SGK3: variants seen among roughly 807,000 people sequenced by gnomAD.
The protein encoded by SGK3 is serine/threonine-protein kinase Sgk3.
A neutral mutation model predicts 68.5 loss-of-function variants in SGK3; 47 were observed. The observed-to-expected ratio is 0.69, with a 90% CI of 0.54 to 0.87. The LOEUF is 0.87. SGK3 is among the 40% of genes least tolerant of loss of function. SGK3 has a pLI of 0.00. For missense variants in SGK3, 479 were observed against 575.5 expected (o/e 0.83, Z 1.72); for synonymous variants, 181 against 189.1 (o/e 0.96, Z 0.35).
intron 1 of SGK3, chr8:66,737,706 C>T (rs910333255): frequency 6.6e-6 from 1 of 151,434 alleles, no homozygotes; most frequent in African/African-American, 2.4e-5. Flanking sequence ...GACTCCACCT[C>T]CCAGGTTCAA....
intron 1 of SGK3, among the ~76,000 whole-genome samples, chr8:66,777,445 C>A (rs1806757546): frequency 6.6e-6 from 1 of 152,174 alleles, no homozygotes; most frequent in Non-Finnish European, 1.5e-5. Context: ...ATTATTTACG[C>A]CAATTCACTG....
In SGK3 at chr8:66,809,030, C is replaced by T. The variant is rs372557158; in HGVS notation, c.253+4583C>T. Among the ~76,000 whole-genome samples the T allele has an allele frequency of 4.3e-3, 652 of 150,028 alleles. 6 individuals carry two copies. Among genetic ancestry groups the T allele is most frequent in the African/African-American group, 0.015 (618 of 40,774 alleles). ...GATTACAGGCGTGTGCCACCATGCC[C>T]GGCTAATTTTGTATTTTTAGTAGAG... On this transcript the variant is annotated intron_variant, in intron 4 of 16. Transcript: ENST00000521198.
intron 1 of SGK3, among the ~76,000 whole-genome samples, chr8:66,744,108 T>TG (rs1805559442): frequency 6.6e-6 from 1 of 152,160 alleles, no homozygotes; most frequent in Non-Finnish European, 1.5e-5. Flanking sequence ...ACAGCGTGCA[T>TG]GGGAGGTAAT....
At chr8:66,735,409 A>C (rs892570827) in intron 1 of SGK3, among the ~76,000 whole-genome samples, 6 of 152,244 alleles carry the variant, frequency 3.9e-5, no homozygotes, top group African/African-American at 1.4e-4. Context: ...ATCCTTAATG[A>C]AAAGGATGTT....
chr8:66,842,396 A>G (rs1320459084), intron 13 of SGK3, among the ~76,000 whole-genome samples: 1 of 151,544 alleles, frequency 6.6e-6, no homozygotes, highest in African/African-American at 2.4e-5. Flanking sequence ...AATTTTTTGT[A>G]TTTTTGGTAG....
chr8:66,742,640 T>C (rs538918219), intron 1 of SGK3, among the ~76,000 whole-genome samples: 4 of 152,328 alleles, frequency 2.6e-5, no homozygotes, highest in Admixed American at 2.6e-4. Flanking sequence ...GCACTGGAAT[T>C]ATGGGCATGA....
chr8:66,767,973 G>A (rs768362383), intron 1 of SGK3: 33 of 850,874 alleles, frequency 3.9e-5, no homozygotes, highest in Admixed American at 2.4e-4. Flanking sequence ...CTGGTTCTTC[G>A]TTTTCCTTAT....
rs1807389463 is a variant in SGK3 at position 66,790,286 on chromosome 8, TG to T, written c.-121-3328del. 5.3e-5 allele frequency among the ~76,000 whole-genome samples: 8 copies of T among 152,282 alleles called. No individual in the cohort carries two copies. The South Asian group carries it at 1.7e-3, about 32-fold the overall frequency. ...TTTTGGGTTATGAGACAATGAAAGA[TG>T]GTGGGAGTAGATAGTGAAGAGAATT... On this transcript the variant is annotated intron_variant, in intron 1 of 16. Transcript: ENST00000521198.
At position 66,827,213 on chromosome 8, in the gene SGK3, A is replaced by G. The variant is rs372471979; in HGVS notation, c.418-1441A>G. Among the ~76,000 whole-genome samples the G allele has an allele frequency of 3.8e-4, 58 of 151,188 alleles. 1 individual carries two copies. In the South Asian group the frequency reaches 0.012, roughly 31 times the overall value. ...CCTGGTCAACATGGCGAAACCCTATATCTACTAAAAATACAAAAATTAACC... is the reference window on the plus strand; with the variant it reads ...CCTGGTCAACATGGCGAAACCCTATGTCTACTAAAAATACAAAAATTAACC... On this transcript the variant is annotated intron_variant, in intron 6 of 16. Coordinates refer to ENST00000521198, the MANE Select transcript of SGK3 (RefSeq NM_001033578.3).
chr8:66,827,113 G>A (rs541138088), intron 6 of SGK3, among the ~76,000 whole-genome samples: 6 of 151,980 alleles, frequency 3.9e-5, no homozygotes, highest in African/African-American at 1.4e-4. Context: ...CTGGTGCGGT[G>A]GCTCACGCCT....
intron 1 of SGK3, among the ~76,000 whole-genome samples, chr8:66,770,663 G>A (rs1585691446): frequency 6.6e-6 from 1 of 152,294 alleles, no homozygotes; most frequent in East Asian, 1.9e-4. Context: ...AGTTGCCAGT[G>A]CTATTCTGTC....
intron 3 of SGK3, among the ~76,000 whole-genome samples, chr8:66,803,093 T>C (rs1808014304): frequency 6.6e-6 from 1 of 152,250 alleles, no homozygotes. Context: ...TTTATGTGAC[T>C]GATTGATAAG....
At chr8:66,773,616 T>C (rs1806587254) in intron 1 of SGK3, among the ~76,000 whole-genome samples, 1 of 152,170 alleles carries the variant, frequency 6.6e-6, no homozygotes, top group East Asian at 1.9e-4. Context: ...TCTTGCACTT[T>C]GGGGCTATCA....
At chr8:66,750,365 A>G (rs1464941086) in intron 1 of SGK3, among the ~76,000 whole-genome samples, 1 of 152,006 alleles carries the variant, frequency 6.6e-6, no homozygotes, top group Non-Finnish European at 1.5e-5. Context: ...TGCTTAAGAC[A>G]TTTATTTTGC....
intron 1 of SGK3, among the ~76,000 whole-genome samples, chr8:66,760,877 C>T (rs1026935987): frequency 9.2e-5 from 14 of 151,868 alleles, no homozygotes; most frequent in Non-Finnish European, 1.3e-4. Flanking sequence ...CTAAGCCGGG[C>T]GTAGTGGTGC....
intron 1 of SGK3, among the ~76,000 whole-genome samples, chr8:66,767,168 T>C (rs1041049806): frequency 5.9e-5 from 9 of 152,214 alleles, no homozygotes; most frequent in Admixed American, 2.0e-4. Flanking sequence ...ATATTGCTAT[T>C]TGTTTTCTAT....
chr8:66,832,589 T>C (rs952328574), intron 8 of SGK3, among the ~76,000 whole-genome samples: 2 of 152,158 alleles, frequency 1.3e-5, no homozygotes, highest in African/African-American at 2.4e-5. Context: ...GACATAGTTG[T>C]CATTAAGAAC....
chr8:66,811,405 T>C (rs1022489100), intron 4 of SGK3, among the ~76,000 whole-genome samples: 3 of 152,204 alleles, frequency 2.0e-5, no homozygotes. Flanking sequence ...TAAAAATACA[T>C]ATTTCTAACT....
At chr8:66,798,199 G>T (rs1807780457) in intron 2 of SGK3, among the ~76,000 whole-genome samples, 1 of 151,610 alleles carries the variant, frequency 6.6e-6, no homozygotes, top group Non-Finnish European at 1.5e-5. Flanking sequence ...GTAGAGACGG[G>T]GTCTCCCTAT....
Sources: allele counts gnomAD v4.1 joint callset (sites outside exome capture counted in the v4.1 genomes callset), GRCh38; gene constraint gnomAD v4.1.1; transcripts MANE v1.5; gene names NCBI Gene and HGNC (gene_info 2026-07-23, HGNC 2026-07-21).